The following CMSS1 variants were observed in gnomAD, a reference collection of about 807,000 sequenced individuals.
CMSS1 encodes cms1 ribosomal small subunit homolog.
CMSS1 carries 33 observed loss-of-function variants against 43.5 expected under a neutral mutation model. The ratio of observed to expected loss-of-function variants is 0.76; its 90% CI spans 0.57 to 1.01. The LOEUF (loss-of-function observed/expected upper bound fraction) is 1.01. Among genes scored for constraint, CMSS1 ranks in the 50% least tolerant of loss-of-function variants. CMSS1 has a pLI of 0.00. For missense variants in CMSS1, 313 were observed against 326.4 expected, an observed-to-expected ratio of 0.96 and a Z score of 0.32; for synonymous variants, 115 against 117.2, an observed-to-expected ratio of 0.98 and a Z score of 0.12.
chr3:99,982,400 C>T (rs957036898), intron 1 of CMSS1, among the ~76,000 whole-genome samples: 21 of 151,898 alleles, frequency 1.4e-4, no homozygotes, highest in Admixed American at 9.8e-4. Context: ...CATGTAGTGG[C>T]GCATTCATGG....
chr3:99,990,388 G>A (rs1424545031), intron 1 of CMSS1, among the ~76,000 whole-genome samples: 3 of 152,178 alleles, frequency 2.0e-5, no homozygotes, highest in Non-Finnish European at 2.9e-5. Context: ...AGCTTACATT[G>A]AGAGCCCTAT....
intron 1 of CMSS1, among the ~76,000 whole-genome samples, chr3:100,105,129 C>G (rs2066372603): frequency 6.6e-6 from 1 of 152,116 alleles, no homozygotes; most frequent in Admixed American, 6.6e-5. Context: ...TTGTTTAAGT[C>G]TCATATACTT....
At chr3:99,820,702 T>A (rs1490048487) in intron 1 of CMSS1, among the ~76,000 whole-genome samples, 1 of 152,250 alleles carries the variant, frequency 6.6e-6, no homozygotes, top group African/African-American at 2.4e-5. Context: ...CTTTTGTTGA[T>A]GGGATCTAGC....
intron 1 of CMSS1, among the ~76,000 whole-genome samples, chr3:100,122,745 T>C (rs956025015): frequency 3.9e-5 from 6 of 152,344 alleles, no homozygotes; most frequent in Middle Eastern, 6.8e-3. Flanking sequence ...ACTTTCTAAT[T>C]GCAGCCATAC....
At chr3:99,819,043 A>G (rs1471872537) in intron 1 of CMSS1, among the ~76,000 whole-genome samples, 1 of 152,244 alleles carries the variant, frequency 6.6e-6, no homozygotes, top group Non-Finnish European at 1.5e-5. Context: ...CACATGTTAG[A>G]CACTTGATAC....
intron 1 of CMSS1, among the ~76,000 whole-genome samples, chr3:99,946,458 T>A (rs1232604281): frequency 6.6e-6 from 1 of 152,238 alleles, no homozygotes; most frequent in Non-Finnish European, 1.5e-5. Context: ...TTTCTTATTA[T>A]TGAACCTTTT....
chr3:99,822,241 A>T (rs1576488705), intron 1 of CMSS1, among the ~76,000 whole-genome samples: 1 of 152,216 alleles, frequency 6.6e-6, no homozygotes, highest in Admixed American at 6.5e-5. Flanking sequence ...AATAACTGGC[A>T]TACAGATAGG....
At chr3:100,109,205 G>A (rs985868443) in intron 1 of CMSS1, among the ~76,000 whole-genome samples, 7 of 151,450 alleles carry the variant, frequency 4.6e-5, no homozygotes, top group Non-Finnish European at 1.0e-4. Context: ...TTTCTTTTGT[G>A]TGTTTTAATA....
At chr3:99,858,911 C>G (rs924558285) in intron 1 of CMSS1, among the ~76,000 whole-genome samples, 1 of 152,230 alleles carries the variant, frequency 6.6e-6, no homozygotes, top group Non-Finnish European at 1.5e-5. Context: ...CAGCCTTTTG[C>G]TTCATCCTGA....
rs1475699004 is a variant in CMSS1, at chr3:99,966,613, T to C, written c.64+148570T>C. ...TACTGTTACTCAGAACCCTTCGCTC[T>C]GTATATACAGTTTGATTTAAGATGC... On this transcript the variant is annotated intron_variant, in intron 1 of 9. Coordinates refer to ENST00000421999, the MANE Select transcript of CMSS1 (RefSeq NM_032359.4). 3.9e-5 allele frequency among the ~76,000 whole-genome samples: 6 copies of C among 152,212 alleles called. No homozygotes were observed. In the South Asian group the frequency reaches 1.2e-3, roughly 32 times the overall value.
At chr3:99,895,640 G>A (rs967720437) in intron 1 of CMSS1, among the ~76,000 whole-genome samples, 1 of 152,092 alleles carries the variant, frequency 6.6e-6, no homozygotes, top group African/African-American at 2.4e-5. Context: ...GATAATCAGT[G>A]CAGATCGAAA....
intron 1 of CMSS1, among the ~76,000 whole-genome samples, chr3:100,037,901 G>A (rs1055973519): frequency 6.6e-6 from 1 of 150,408 alleles, no homozygotes; most frequent in Non-Finnish European, 1.5e-5. Flanking sequence ...ACACTAACTG[G>A]CTCTGAATCG....
chr3:99,921,240 G>A (rs1420438167), intron 1 of CMSS1, among the ~76,000 whole-genome samples: 1 of 152,164 alleles, frequency 6.6e-6, no homozygotes, highest in Non-Finnish European at 1.5e-5. Context: ...CACACTACGG[G>A]TATTTCACAC....
chr3:99,928,093 GAAT>G, intron 1 of CMSS1, among the ~76,000 whole-genome samples: 1 of 152,328 alleles, frequency 6.6e-6, no homozygotes. Flanking sequence ...TGCAAAAGAA[GAAT>G]AACTTTAGCA....
At chr3:100,068,531 G>A (rs2065706167) in intron 1 of CMSS1, among the ~76,000 whole-genome samples, 1 of 152,118 alleles carries the variant, frequency 6.6e-6, no homozygotes, top group Admixed American at 6.5e-5. Context: ...TGGATTAGTG[G>A]GTGCTGCCAA....
intron 1 of CMSS1, among the ~76,000 whole-genome samples, chr3:99,967,035 G>T (rs1708674862): frequency 6.6e-6 from 1 of 152,140 alleles, no homozygotes; most frequent in Admixed American, 6.5e-5. Flanking sequence ...GAGAAGAAAT[G>T]ATAAGAGAGG....
chr3:99,939,398 T>C (rs543926773), intron 1 of CMSS1, among the ~76,000 whole-genome samples: 48 of 152,240 alleles, frequency 3.2e-4, no homozygotes, highest in Non-Finnish European at 5.4e-4. Context: ...GAAAGGACTC[T>C]ATTCTTCTTT....
chr3:100,105,057 A>G (rs963679076), intron 1 of CMSS1, among the ~76,000 whole-genome samples: 12 of 152,168 alleles, frequency 7.9e-5, no homozygotes, highest in African/African-American at 2.9e-4. Context: ...TTCTTTTACT[A>G]TACTTAGGTG....
intron 1 of CMSS1, chr3:99,849,195 T>C: frequency 6.2e-7 from 1 of 1,614,142 alleles, no homozygotes; most frequent in Admixed American, 1.7e-5. Flanking sequence ...TCTCCTCATA[T>C]AACTGACCAT....
Sources: allele counts gnomAD v4.1 joint callset (sites outside exome capture counted in the v4.1 genomes callset), GRCh38; gene constraint gnomAD v4.1.1; transcripts MANE v1.5; gene names NCBI Gene and HGNC (gene_info 2026-07-23, HGNC 2026-07-21).